The following SREK1IP1 variants were observed in gnomAD, a reference collection of about 807,000 sequenced individuals.
SREK1IP1 encodes the protein protein SREK1IP1.
SREK1IP1 carries 12 observed loss-of-function variants against 22.8 expected under a neutral mutation model. That is an observed-to-expected ratio of 0.53 (90% CI 0.34 to 0.85). SREK1IP1 has a LOEUF of 0.85. Ranked by LOEUF, SREK1IP1 falls within the 40% of genes least tolerant of loss-of-function variation. The pLI is 0.02. For synonymous variants in SREK1IP1, 53 were observed against 52.7 expected (o/e 1.01, Z -0.02); for missense variants, 147 against 171.8 (o/e 0.86, Z 0.81).
intron 1 of SREK1IP1, among the ~76,000 whole-genome samples, chr5:64,757,121 T>A (rs1742855001): frequency 6.6e-6 from 1 of 152,196 alleles, no homozygotes; most frequent in Non-Finnish European, 1.5e-5. Flanking sequence ...AAAGTATACA[T>A]TATTGAGGTG....
chr5:64,764,702 C>T (rs2112119530), intron 1 of SREK1IP1, among the ~76,000 whole-genome samples: 1 of 152,242 alleles, frequency 6.6e-6, no homozygotes, highest in Middle Eastern at 3.4e-3. Flanking sequence ...AAGAGAACTA[C>T]AAAATTCACA....
intron 1 of SREK1IP1, among the ~76,000 whole-genome samples, chr5:64,756,439 T>C (rs925789772): frequency 4.6e-5 from 7 of 152,200 alleles, no homozygotes. Flanking sequence ...GCCTGGATTA[T>C]TTTACTTAGC....
chr5:64,745,268 TG>T (rs1366100484), intron 2 of SREK1IP1, among the ~76,000 whole-genome samples: 2 of 152,138 alleles, frequency 1.3e-5, no homozygotes, highest in Non-Finnish European at 2.9e-5. Context: ...CTTTCTAGGT[TG>T]GTTTGGCTTG....
chr5:64,757,665 T>TA (rs1742865919), intron 1 of SREK1IP1, among the ~76,000 whole-genome samples: 3 of 152,128 alleles, frequency 2.0e-5, no homozygotes, highest in African/African-American at 7.2e-5. Flanking sequence ...CATCTGGTGT[T>TA]ACAACTTTTC....
At chr5:64,724,711 T>G in intron 4 of SREK1IP1, 138 bp from the exon 5 acceptor site, 1 of 659,430 alleles carries the variant, frequency 1.5e-6, no homozygotes, top group Non-Finnish European at 2.4e-6. Flanking sequence ...GCTTCATATA[T>G]TTGCATTCCC....
rs79185161 is a variant in SREK1IP1, at chr5:64,719,885, A to C, written c.*4499T>G. 6.6e-6 allele frequency: 1 copy of C among 152,208 alleles called. No individual in the cohort carries two copies. The allele number at this position is 152,208 out of a possible 1,614,324, so 9.4% of individuals were successfully genotyped here. A position where few individuals can be genotyped will look rare whatever the true frequency, so the allele number is the denominator to read the frequency against. On this transcript the variant is annotated 3_prime_UTR_variant, in exon 5 of 5. Transcript: ENST00000513458. ...ATTGTCACACTGGTATAAGAAACCT[A>C]CTGTTCTTGGGCACCCAATGTCCAG...
At chr5:64,743,837 T>C (rs1417481703) in intron 2 of SREK1IP1, among the ~76,000 whole-genome samples, 3 of 152,260 alleles carry the variant, frequency 2.0e-5, no homozygotes, top group East Asian at 1.9e-4. Context: ...GGTTCTGTTA[T>C]AGTAGGTAGC....
At chr5:64,768,272 C>T (rs1187721906) in intron 1 of SREK1IP1, among the ~76,000 whole-genome samples, 1 of 152,180 alleles carries the variant, frequency 6.6e-6, no homozygotes, top group East Asian at 1.9e-4. Context: ...TACACTTTCC[C>T]TGTAATCCCA....
At chr5:64,727,553 A>ATATATATATATATATAT in intron 4 of SREK1IP1, 2 of 84,716 alleles carry the variant, frequency 2.4e-5, no homozygotes, top group African/African-American at 1.1e-4. Flanking sequence ...ATATATATAT[A>ATATATATATATATATAT]TTTTTTTTTT....
rs1196020659 is a variant in SREK1IP1, at chr5:64,721,406, CTA to C, written c.*2976_*2977del. On this transcript the variant is annotated 3_prime_UTR_variant, in exon 5 of 5. Transcript: ENST00000513458. ...CAGCCTAGTTTACTCTGAAGGTAAA[CTA>C]GGGTTATATAATTTTAGATACAGTT... 1 of 152,066 alleles carries C rather than the reference CTA, an allele frequency of 6.6e-6. No individual in the cohort carries two copies. Among genetic ancestry groups the C allele is most frequent in the Non-Finnish European group, 1.5e-5 (1 of 68,034 alleles). 9.4% of individuals were successfully genotyped at this position (152,066 alleles called of 1,614,324 possible). A position where few individuals can be genotyped will look rare whatever the true frequency, so the allele number is the denominator to read the frequency against.
chr5:64,739,548 C>T (rs2112095814), intron 3 of SREK1IP1, among the ~76,000 whole-genome samples: 1 of 152,224 alleles, frequency 6.6e-6, no homozygotes, highest in South Asian at 2.1e-4. Flanking sequence ...CACAGCTTTC[C>T]ACACTGCTGA....
intron 2 of SREK1IP1, among the ~76,000 whole-genome samples, chr5:64,745,427 C>T (rs1742616744): frequency 6.6e-6 from 1 of 152,014 alleles, no homozygotes; most frequent in South Asian, 2.1e-4. Flanking sequence ...CCTGTCTCTA[C>T]TAAAAATACA....
Position 64,753,548 on chromosome 5 carries a change from T to C in SREK1IP1, c.61+767A>G, listed in dbSNP as rs1183595384. ...TCAGCATTCTTTTAATGTGCCCTTCTGATGGAGATTTATGCCGAGTACTCT... is the reference window on the plus strand; with the variant it reads ...TCAGCATTCTTTTAATGTGCCCTTCCGATGGAGATTTATGCCGAGTACTCT... On this transcript the variant is annotated intron_variant, in intron 2 of 4. Transcript: ENST00000513458. Among the ~76,000 whole-genome samples the C allele has an allele frequency of 3.9e-5, 6 of 152,316 alleles. No homozygotes were observed. The East Asian group carries it at 1.2e-3, about 29-fold the overall frequency.
intron 4 of SREK1IP1, among the ~76,000 whole-genome samples, chr5:64,725,125 G>A (rs998048035): frequency 6.6e-6 from 1 of 151,964 alleles, no homozygotes; most frequent in Non-Finnish European, 1.5e-5. Context: ...ATGAATACTT[G>A]CATTACAAAA....
rs1431621922 is a variant in SREK1IP1 at position 64,718,643 on chromosome 5, G to A, written c.*5741C>T. ...GTATAATGAAAGCTACAAAACAAAT[G>A]AGTTCTCTGGTCCCACCTAATGCTA... On this transcript the variant is annotated 3_prime_UTR_variant, in exon 5 of 5. Transcript: ENST00000513458. 6.6e-6 allele frequency: 1 copy of A among 152,034 alleles called. No homozygotes were observed. Among genetic ancestry groups the A allele is most frequent in the Non-Finnish European group, 1.5e-5 (1 of 67,976 alleles). 9.4% of individuals were successfully genotyped at this position (152,034 alleles called of 1,614,324 possible). A position where few individuals can be genotyped will look rare whatever the true frequency, so the allele number is the denominator to read the frequency against.
intron 4 of SREK1IP1, among the ~76,000 whole-genome samples, chr5:64,726,012 C>G (rs1016038481): frequency 6.6e-6 from 1 of 151,382 alleles, no homozygotes; most frequent in African/African-American, 2.4e-5. Context: ...ATTACAGGTA[C>G]CCACCTGTAA....
At chr5:64,731,355 GA>G (rs1207192839) in intron 3 of SREK1IP1, among the ~76,000 whole-genome samples, 4 of 147,662 alleles carry the variant, frequency 2.7e-5, no homozygotes, top group South Asian at 2.2e-4. Flanking sequence ...CTTTATAAAA[GA>G]AAAAAAAAAT....
chr5:64,756,678 T>C (rs1267397240), intron 1 of SREK1IP1, among the ~76,000 whole-genome samples: 1 of 151,994 alleles, frequency 6.6e-6, no homozygotes, highest in Non-Finnish European at 1.5e-5. Context: ...CATGCTGGAG[T>C]GCAGTGGTGC....
intron 2 of SREK1IP1, among the ~76,000 whole-genome samples, chr5:64,744,268 C>CATGTAAAATGCTAGGTTCA (rs1186952558): frequency 6.6e-6 from 1 of 152,126 alleles, no homozygotes; most frequent in Non-Finnish European, 1.5e-5. Flanking sequence ...AGTAAGCCAG[C>CATGTAAAATGCTAGGTTCA]ATGTAAAATG....
Sources: allele counts gnomAD v4.1 joint callset (sites outside exome capture counted in the v4.1 genomes callset), GRCh38; gene constraint gnomAD v4.1.1; transcripts MANE v1.5; gene names NCBI Gene and HGNC (gene_info 2026-07-23, HGNC 2026-07-21).